Variants in SLC9A6 observed in about 807,000 individuals in gnomAD.
The protein encoded by SLC9A6 is sodium/hydrogen exchanger 6.
SLC9A6 carries 6 observed loss-of-function variants against 45.3 expected under a neutral mutation model. The ratio of observed to expected loss-of-function variants is 0.13; its 90% CI spans 0.07 to 0.26. The LOEUF (loss-of-function observed/expected upper bound fraction) is 0.26, where lower values mean the gene tolerates loss of function less well. Ranked by LOEUF, SLC9A6 falls within the 10% of genes least tolerant of loss-of-function variation. The pLI is 1.00. For synonymous variants in SLC9A6, 191 were observed against 187.7 expected, an observed-to-expected ratio of 1.02 and a Z score of -0.14; for missense variants, 278 against 503.7, an observed-to-expected ratio of 0.55 and a Z score of 4.29.
At chrX:136,031,544 A>G (rs2071320969) in intron 15 of SLC9A6, among the ~76,000 whole-genome samples, 1 of 112,277 alleles carries the variant, frequency 8.9e-6, no homozygotes, top group South Asian at 3.7e-4. Flanking sequence ...TGCTAAAAAT[A>G]CAGAAATTAG....
At chrX:135,984,344 T>C (rs1460428805), upstream of SLC9A6, among the ~76,000 whole-genome samples, 1 of 111,598 alleles carries the variant, frequency 9.0e-6, no homozygotes, top group Admixed American at 9.5e-5. Context: ...AAAATATTTT[T>C]AGTTTTGAGG....
rs2071298886 is a variant in SLC9A6 at position 136,030,363 on chromosome X, T to C, written c.1581+201T>C. 6.3e-5 allele frequency: 28 copies of C among 446,601 alleles called. No homozygotes were observed. In the South Asian group the frequency reaches 8.5e-4, roughly 13 times the overall value. 36.8% of individuals were successfully genotyped at this position (446,601 alleles called of 1,213,427 possible). A position where few individuals can be genotyped will look rare whatever the true frequency, so the allele number is the denominator to read the frequency against. Reference sequence around the variant, plus strand: ...TTTGCCACAGTGCCATAGTGTGTGGTTATCAAGGGTGACAGCTTTCATGTC... The same window carrying C: ...TTTGCCACAGTGCCATAGTGTGTGGCTATCAAGGGTGACAGCTTTCATGTC... On this transcript the variant is annotated intron_variant, in intron 15 of 17. Coordinates refer to ENST00000630721, the MANE Select transcript of SLC9A6 (RefSeq NM_001379110.1).
At chrX:136,033,588 C>A in intron 16 of SLC9A6, 95 bp downstream of exon 16, 2 of 504,589 alleles carry the variant, frequency 4.0e-6, no homozygotes, top group Non-Finnish European at 6.7e-6. Flanking sequence ...CTTCCTGGAG[C>A]AGAATATAAA....
chrX:136,042,128 G>C (rs950226515), intron 17 of SLC9A6, among the ~76,000 whole-genome samples: 19 of 110,080 alleles, frequency 1.7e-4, no homozygotes, highest in African/African-American at 6.0e-4. Flanking sequence ...ATCTTTTGGT[G>C]GGGGGTTGGG....
At chrX:136,020,103 G>T (rs2071094401) in intron 11 of SLC9A6, among the ~76,000 whole-genome samples, 1 of 111,676 alleles carries the variant, frequency 9.0e-6, no homozygotes, top group African/African-American at 3.3e-5. Context: ...TAATGTTGAC[G>T]ATAGTCTTAA....
chrX:135,998,993 A>G, intron 6 of SLC9A6, 25 bp downstream of exon 6: 1 of 976,167 alleles, frequency 1.0e-6, no homozygotes, highest in Non-Finnish European at 1.5e-6. Flanking sequence ...AGTGGAGTTT[A>G]CATACTTGAG....
chrX:135,978,496 A>T (rs1328073899), intron 1 of SLC9A6, among the ~76,000 whole-genome samples: 2 of 111,097 alleles, frequency 1.8e-5, no homozygotes, highest in Non-Finnish European at 3.8e-5. Context: ...TACTAAAAAC[A>T]CAAAAATTAG....
chrX:136,026,495 A>T (rs2071227965), intron 13 of SLC9A6, among the ~76,000 whole-genome samples: 1 of 111,242 alleles, frequency 9.0e-6, no homozygotes, highest in Non-Finnish European at 1.9e-5. Context: ...ACATTTACTG[A>T]ACACCAGCCA....
intron 7 of SLC9A6, among the ~76,000 whole-genome samples, chrX:136,009,407 G>A: frequency 9.0e-6 from 1 of 110,816 alleles, no homozygotes; most frequent in East Asian, 2.8e-4. Flanking sequence ...TTTAACCTGG[G>A]AGATATGAAA....
At chrX:136,018,059 C>T (rs112193569) in intron 11 of SLC9A6, among the ~76,000 whole-genome samples, 2 of 112,220 alleles carry the variant, frequency 1.8e-5, no homozygotes, top group African/African-American at 6.5e-5. Flanking sequence ...CCTTTTGTAA[C>T]CTAATCTTTG....
chrX:136,017,137 T>C lies in SLC9A6; in HGVS notation c.1194+379T>C, dbSNP rs150327726. Among the ~76,000 whole-genome samples the C allele has an allele frequency of 3.5e-3, 389 of 111,359 alleles. 1 individual carries two copies. Among genetic ancestry groups the C allele is most frequent in the Non-Finnish European group, 6.7e-3 (355 of 53,007 alleles). Reference sequence around the variant, plus strand: ...GTTGAATGAGGCCACTTTCTTTCTCTTTCTCTCCCTCCCCCAACCCCTCTC... The same window carrying C: ...GTTGAATGAGGCCACTTTCTTTCTCCTTCTCTCCCTCCCCCAACCCCTCTC... On this transcript the variant is annotated intron_variant, in intron 11 of 17. Coordinates refer to ENST00000630721, the MANE Select transcript of SLC9A6 (RefSeq NM_001379110.1).
chrX:135,986,989 G>A (rs782650558), intron 2 of SLC9A6, among the ~76,000 whole-genome samples: 7 of 111,436 alleles, frequency 6.3e-5, no homozygotes, highest in Non-Finnish European at 1.1e-4. Flanking sequence ...TGGCACAAAA[G>A]ACATTGCTCC....
In SLC9A6 at chrX:136,040,119, A is replaced by G; in HGVS notation, c.1705A>G (p.Thr569Ala). Reference sequence around the variant, plus strand: ...GACCCACAGCGGGCCTCCGCTGACAACAACACTCCCTGCCTGCTGTGGACC... The same window carrying G: ...GACCCACAGCGGGCCTCCGCTGACAGCAACACTCCCTGCCTGCTGTGGACC... ...LLTHSGPPLT[T>A]TLPACCGPIA... The change falls in exon 17 of 18, where the codon ACA becomes GCA. Residue 569 changes from threonine (T) to alanine (A), a missense_variant. Physicochemically the swap from Thr to Ala is moderately conservative, Grantham distance 58. Coordinates refer to ENST00000630721, the MANE Select transcript of SLC9A6 (RefSeq NM_001379110.1). The G allele has an allele frequency of 8.3e-7, 1 of 1,211,340 alleles. No individual in the cohort carries two copies. The highest frequency in any genetic ancestry group is 1.1e-6 in the Non-Finnish European group (1 of 895,169).
chrX:135,995,616 G>A (rs916392035), intron 3 of SLC9A6, among the ~76,000 whole-genome samples: 10 of 112,293 alleles, frequency 8.9e-5, no homozygotes, highest in Admixed American at 2.8e-4. Context: ...GAGCCACTGC[G>A]CCCAGCCGGT....
At chrX:135,989,011 T>C (rs1160082858) in intron 2 of SLC9A6, among the ~76,000 whole-genome samples, 1 of 111,220 alleles carries the variant, frequency 9.0e-6, no homozygotes, top group Non-Finnish European at 1.9e-5. Context: ...ATTAATATAT[T>C]ATTTTAAAAC....
Position 136,004,717 on chromosome X carries a change from A to G in SLC9A6, c.743+2504A>G, listed in dbSNP as rs1031144548. Among the ~76,000 whole-genome samples, 5 of 111,725 alleles carry G rather than the reference A, an allele frequency of 4.5e-5. 1 individual carries two copies. Among genetic ancestry groups the G allele is most frequent in the Non-Finnish European group, 9.4e-5 (5 of 53,147 alleles). On this transcript the variant is annotated intron_variant, in intron 7 of 17. Coordinates refer to ENST00000630721, the MANE Select transcript of SLC9A6 (RefSeq NM_001379110.1). ...GTAAATATTACCCCCTCCCCACCAT[A>G]TTTATTGCCAGATTTTTTTTGCAGC...
In SLC9A6 at chrX:136,005,795, G is replaced by A. The variant is rs1448511735; in HGVS notation, c.743+3582G>A. Reference sequence around the variant, plus strand: ...TTCTGTGAGAGAATGAAGCCTTATAGGAAACAATTTGAGTGAGTCTTTTCT... The same window carrying A: ...TTCTGTGAGAGAATGAAGCCTTATAAGAAACAATTTGAGTGAGTCTTTTCT... On this transcript the variant is annotated intron_variant, in intron 7 of 17. Transcript: ENST00000630721. Among the ~76,000 whole-genome samples, 4 of 111,742 alleles carry A rather than the reference G, an allele frequency of 3.6e-5. No individual in the cohort carries two copies. The Middle Eastern group carries it at 0.014, about 388-fold the overall frequency.
At position 135,985,450 on chromosome X, in the gene SLC9A6, G is replaced by C. The variant is rs1401319150; in HGVS notation, c.-84G>C. On this transcript the variant is annotated 5_prime_UTR_variant, in exon 1 of 18. Transcript: ENST00000630721. ...CCTTTCCCGTGAGCCCTCGGGGAGT[G>C]GTCCGACCGCGGGCGGCCGCCGGTG... 1.5e-4 allele frequency: 143 copies of C among 935,250 alleles called. No homozygotes were observed. Among genetic ancestry groups the C allele is most frequent in the Non-Finnish European group, 2.0e-4 (142 of 724,384 alleles). The allele number at this position is 935,250 out of a possible 1,213,427, so 77.1% of individuals were successfully genotyped here. A position where few individuals can be genotyped will look rare whatever the true frequency, so the allele number is the denominator to read the frequency against.
chrX:136,035,443 C>T (rs1296092837), intron 16 of SLC9A6, among the ~76,000 whole-genome samples: 1 of 111,929 alleles, frequency 8.9e-6, no homozygotes, highest in Admixed American at 9.5e-5. Context: ...GTATTCGTTT[C>T]TGTCTTGCTT....
Sources: gnomAD v4.1 joint callset for allele counts (sites outside exome capture counted in the v4.1 genomes callset) on GRCh38, gnomAD v4.1.1 for gene constraint, MANE v1.5 for transcripts, NCBI Gene and HGNC (gene_info 2026-07-23, HGNC 2026-07-21) for gene names.